SH2D4A: variants seen among roughly 807,000 people sequenced by gnomAD.
The protein encoded by SH2D4A is SH2 domain containing 4A, also known as SH2 domain-containing protein 4A.
Under a neutral mutation model 64.7 loss-of-function variants are expected in SH2D4A, and 70 were observed. The ratio of observed to expected loss-of-function variants is 1.08; its 90% CI spans 0.89 to 1.32. The LOEUF (loss-of-function observed/expected upper bound fraction) is 1.32, where lower values mean the gene tolerates loss of function less well. Ranked by LOEUF, SH2D4A falls within the 40% of genes most tolerant of loss-of-function variation. SH2D4A has a pLI of 0.00. For synonymous variants in SH2D4A, 268 were observed against 200.7 expected (o/e 1.34, Z -2.83); for missense variants, 706 against 540.1 (o/e 1.31, Z -3.04).
intron 7 of SH2D4A, among the ~76,000 whole-genome samples, chr8:19,371,138 C>A (rs945461075): frequency 2.0e-5 from 3 of 151,974 alleles, no homozygotes; most frequent in Non-Finnish European, 1.5e-5. Flanking sequence ...GTCTTCATAT[C>A]TTTATATTAA....
intron 4 of SH2D4A, among the ~76,000 whole-genome samples, chr8:19,335,375 A>G (rs17128223): frequency 0.012 from 1,780 of 152,254 alleles, 46 homozygotes; most frequent in African/African-American, 0.041. Flanking sequence ...AAGCACCCCT[A>G]TTTCATGAGA....
At chr8:19,390,823 T>C (rs1304126266) in intron 8 of SH2D4A, among the ~76,000 whole-genome samples, 4 of 152,180 alleles carry the variant, frequency 2.6e-5, no homozygotes, top group Non-Finnish European at 2.9e-5. Flanking sequence ...CTAAGGGGCT[T>C]TTGGAAAGTT....
chr8:19,392,558 T>C (rs1438073004), intron 8 of SH2D4A, among the ~76,000 whole-genome samples: 2 of 151,828 alleles, frequency 1.3e-5, no homozygotes, highest in African/African-American at 4.8e-5. Context: ...GTCAAATCAC[T>C]CCCCAGGCCA....
intron 4 of SH2D4A, among the ~76,000 whole-genome samples, chr8:19,352,766 G>A (rs1047469699): frequency 6.6e-6 from 1 of 152,128 alleles, no homozygotes; most frequent in Non-Finnish European, 1.5e-5. Flanking sequence ...CAGCACTTTG[G>A]GAGGCTGAGG....
chr8:19,331,388 G>A (rs892553399), intron 2 of SH2D4A, among the ~76,000 whole-genome samples: 4 of 152,182 alleles, frequency 2.6e-5, no homozygotes, highest in Non-Finnish European at 4.4e-5. Context: ...CTAGTTTGGG[G>A]TCTTGACTAG....
chr8:19,318,768 A>G (rs1432248737), intron 1 of SH2D4A, among the ~76,000 whole-genome samples: 4 of 152,190 alleles, frequency 2.6e-5, no homozygotes. Context: ...TCCTTTTGTG[A>G]AGAGGAAAGT....
At chr8:19,323,560 T>C (rs1369233815) in intron 2 of SH2D4A, among the ~76,000 whole-genome samples, 6 of 151,982 alleles carry the variant, frequency 3.9e-5, no homozygotes, top group African/African-American at 1.2e-4. Flanking sequence ...TTTGTATTAT[T>C]AGTAGAGATG....
chr8:19,331,627 C>T (rs1470572784), intron 2 of SH2D4A, among the ~76,000 whole-genome samples: 1 of 152,200 alleles, frequency 6.6e-6, no homozygotes, highest in Non-Finnish European at 1.5e-5. Flanking sequence ...ATTATCTTCT[C>T]ACAGGCTGGT....
At chr8:19,348,264 T>C (rs1342648185) in intron 4 of SH2D4A, among the ~76,000 whole-genome samples, 1 of 152,030 alleles carries the variant, frequency 6.6e-6, no homozygotes, top group African/African-American at 2.4e-5. Context: ...CCCAGCTAAT[T>C]TTTTTATTCC....
chr8:19,315,491 G>T (rs1207984384), intron 1 of SH2D4A, among the ~76,000 whole-genome samples: 1 of 152,156 alleles, frequency 6.6e-6, no homozygotes, highest in Non-Finnish European at 1.5e-5. Context: ...TTTTGTTTAG[G>T]TCTCAGAGTT....
Position 19,369,737 on chromosome 8 carries a change from A to G in SH2D4A, c.918-3793A>G, listed in dbSNP as rs543939526. Reference sequence around the variant, plus strand: ...GTCATCTCTTTTTCTTTGTGTAGCTAAACTTATGTGAGTTTTGTTATTAAA... The same window carrying G: ...GTCATCTCTTTTTCTTTGTGTAGCTGAACTTATGTGAGTTTTGTTATTAAA... On this transcript the variant is annotated intron_variant, in intron 7 of 9. Coordinates refer to ENST00000265807, the MANE Select transcript of SH2D4A (RefSeq NM_022071.4). 5.9e-5 allele frequency among the ~76,000 whole-genome samples: 9 copies of G among 151,906 alleles called. 1 individual carries two copies. The highest frequency in any genetic ancestry group is 2.2e-4 in the African/African-American group (9 of 41,500).
Position 19,354,226 on chromosome 8 carries a change from C to A in SH2D4A, c.514-2977C>A, listed in dbSNP as rs528764625. ...ATGTGGGCCAGACGGGTCTCGAACT[C>A]CTGACCTCAGGTGATCCACCCAACT... On this transcript the variant is annotated intron_variant, in intron 4 of 9. Coordinates refer to ENST00000265807, the MANE Select transcript of SH2D4A (RefSeq NM_022071.4). Among the ~76,000 whole-genome samples, 13 of 152,198 alleles carry A rather than the reference C, an allele frequency of 8.5e-5. No homozygotes were observed. The East Asian group carries it at 2.5e-3, about 29-fold the overall frequency.
At chr8:19,341,924 A>T (rs2052535598) in intron 4 of SH2D4A, among the ~76,000 whole-genome samples, 1 of 151,948 alleles carries the variant, frequency 6.6e-6, no homozygotes, top group Non-Finnish European at 1.5e-5. Flanking sequence ...GTCAGAATGC[A>T]CTTCTTACCA....
chr8:19,358,801 C>T (rs1366633427), intron 5 of SH2D4A, among the ~76,000 whole-genome samples: 1 of 152,200 alleles, frequency 6.6e-6, no homozygotes, highest in African/African-American at 2.4e-5. Context: ...GCTTTCTGAA[C>T]GGGCCCAGCG....
chr8:19,388,995 C>T (rs1345598966), intron 8 of SH2D4A, among the ~76,000 whole-genome samples: 1 of 152,140 alleles, frequency 6.6e-6, no homozygotes, highest in Non-Finnish European at 1.5e-5. Flanking sequence ...GAGGTAAGTA[C>T]AGGTGAAACC....
chr8:19,316,496 G>C (rs907483248), intron 1 of SH2D4A, among the ~76,000 whole-genome samples: 2 of 152,108 alleles, frequency 1.3e-5, no homozygotes, highest in African/African-American at 4.8e-5. Flanking sequence ...TGAATACGTG[G>C]GTAAGCAATG....
chr8:19,359,074 T>C (rs1037680625), intron 5 of SH2D4A, among the ~76,000 whole-genome samples: 2 of 152,192 alleles, frequency 1.3e-5, no homozygotes, highest in Non-Finnish European at 2.9e-5. Flanking sequence ...ATAGAGAAAG[T>C]AAACCATTAC....
intron 8 of SH2D4A, among the ~76,000 whole-genome samples, chr8:19,388,334 C>A (rs1474009803): frequency 6.6e-6 from 1 of 152,174 alleles, no homozygotes; most frequent in Non-Finnish European, 1.5e-5. Flanking sequence ...TTAGAGGAAG[C>A]AACTCTAAAA....
rs1441110983 is a variant in SH2D4A, at chr8:19,373,565, C to T, written c.953C>T (p.Ala318Val). 2.5e-6 allele frequency: 4 copies of T among 1,613,030 alleles called. No individual in the cohort carries two copies. Among genetic ancestry groups the T allele is most frequent in the Admixed American group, 1.7e-5 (1 of 59,910 alleles). Residue 318 changes from alanine (A) to valine (V), a missense_variant, in exon 8 of 10, where the codon GCC (alanine) becomes GTC (valine). Ala to Val is a moderately conservative substitution (Grantham distance 64, BLOSUM62 0). Transcript: ENST00000265807. ...QGVVRTLSSS[A>V]QEDIIRWFKE... ...GTGGTGAGGACACTGTCCAGCTCTG[C>T]CCAAGAGGACATCATCCGGTGGTTT...
Sources: allele counts gnomAD v4.1 joint callset (sites outside exome capture counted in the v4.1 genomes callset), GRCh38; gene constraint gnomAD v4.1.1; transcripts MANE v1.5; gene names NCBI Gene and HGNC (gene_info 2026-07-23, HGNC 2026-07-21).